RAB5A: variants seen among roughly 807,000 people sequenced by gnomAD.
RAB5A encodes ras-related protein Rab-5A.
RAB5A carries 8 observed loss-of-function variants against 25.7 expected under a neutral mutation model. The observed-to-expected ratio is 0.31, with a 90% CI of 0.18 to 0.56. RAB5A has a LOEUF of 0.56. RAB5A is among the 20% of genes least tolerant of loss of function. RAB5A has a pLI of 0.91. For synonymous variants in RAB5A, 98 were observed against 89.8 expected, an observed-to-expected ratio of 1.09 and a Z score of -0.52; for missense variants, 192 against 259.7, an observed-to-expected ratio of 0.74 and a Z score of 1.79.
At chr3:19,951,701 G>GTTTTT (rs61250458) in intron 2 of RAB5A, among the ~76,000 whole-genome samples, 3 of 99,014 alleles carry the variant, frequency 3.0e-5, no homozygotes, top group Non-Finnish European at 6.0e-5. Flanking sequence ...TGCCAGGCAA[G>GTTTTT]TTTTTTTTTT....
intron 2 of RAB5A, among the ~76,000 whole-genome samples, chr3:19,951,578 T>C (rs1319494663): frequency 1.3e-5 from 2 of 152,068 alleles, no homozygotes; most frequent in African/African-American, 4.8e-5. Context: ...TAGGCTGGAG[T>C]GCAGTGTCCG....
rs1230732517 is a variant in RAB5A at position 19,975,722 on chromosome 3, A to C, written c.285A>C (p.Ala95=). ...LAPMYYRGAQ[A]AIVVYDITNE... is the part of the protein sequence containing the mutation. ...CAATGTACTACAGAGGAGCACAAGC[A>C]GCCATAGTTGTATATGATATCACAA... The change falls in exon 3 of 6, where the codon GCA becomes GCC. Residue 95 remains alanine (A), a synonymous_variant. Transcript: ENST00000273047. 2.5e-6 allele frequency: 4 copies of C among 1,613,674 alleles called. No homozygotes were observed. Among genetic ancestry groups the C allele is most frequent in the South Asian group, 1.1e-5 (1 of 90,992 alleles).
At chr3:19,950,764 T>G in intron 1 of RAB5A, 42 bp from the exon 2 acceptor site, 1 of 853,292 alleles carries the variant, frequency 1.2e-6, no homozygotes, top group South Asian at 2.1e-5. Context: ...GTAAATTTGC[T>G]TTACTGATTT....
intron 2 of RAB5A, among the ~76,000 whole-genome samples, chr3:19,971,857 T>C (rs1307495743): frequency 2.0e-5 from 3 of 152,198 alleles, no homozygotes; most frequent in Admixed American, 6.5e-5. Flanking sequence ...TTGTGAAATA[T>C]CTATTTTTTC....
intron 2 of RAB5A, among the ~76,000 whole-genome samples, chr3:19,969,031 GTTTTT>G (rs1162365486): frequency 4.0e-5 from 4 of 99,696 alleles, no homozygotes; most frequent in African/African-American, 1.5e-4. Flanking sequence ...TTTGGTTTTG[GTTTTT>G]TTTTTTTGGT....
chr3:19,958,311 T>C (rs1696535258), intron 2 of RAB5A, among the ~76,000 whole-genome samples: 1 of 152,232 alleles, frequency 6.6e-6, no homozygotes. Context: ...GAGAGGTTGT[T>C]ACCCAGAGAA....
intron 2 of RAB5A, among the ~76,000 whole-genome samples, chr3:19,956,018 A>G (rs1295919552): frequency 6.6e-6 from 1 of 152,188 alleles, no homozygotes; most frequent in African/African-American, 2.4e-5. Context: ...CACCTGCCAG[A>G]CATCTTTAGG....
intron 2 of RAB5A, among the ~76,000 whole-genome samples, chr3:19,953,447 G>A (rs998424979): frequency 1.3e-4 from 18 of 136,788 alleles, no homozygotes; most frequent in South Asian, 4.5e-4. Flanking sequence ...GGTCTCTGTC[G>A]CCCAGGCTGG....
intron 4 of RAB5A, among the ~76,000 whole-genome samples, chr3:19,976,936 A>G (rs1049497239): frequency 4.6e-5 from 7 of 152,222 alleles, no homozygotes; most frequent in African/African-American, 2.4e-5. Flanking sequence ...ATAATAAGCT[A>G]AAAACTAATA....
chr3:19,977,196 C>T (rs541232620), intron 4 of RAB5A, among the ~76,000 whole-genome samples: 7 of 152,204 alleles, frequency 4.6e-5, no homozygotes, highest in Admixed American at 3.9e-4. Context: ...CCTCAGCCTC[C>T]CAAGTAGCTG....
chr3:19,952,044 G>A (rs868311042), intron 2 of RAB5A, among the ~76,000 whole-genome samples: 1 of 152,226 alleles, frequency 6.6e-6, no homozygotes, highest in Middle Eastern at 3.4e-3. Flanking sequence ...AAGAGAGGAC[G>A]TGAAATGGGA....
rs1178355544 is a variant in RAB5A at position 19,950,844 on chromosome 3, A to G, written c.-55A>G. 4 of 1,543,128 alleles carry G rather than the reference A, an allele frequency of 2.6e-6. No individual in the cohort carries two copies. Among genetic ancestry groups the G allele is most frequent in the Non-Finnish European group, 2.6e-6 (3 of 1,138,674 alleles). ...CAGAAAGAAGAATATTGGCCCCTTG[A>G]ATTCTGGAAGTTCATTGAAGAGTCT... On this transcript the variant is annotated 5_prime_UTR_variant, in exon 2 of 6. Coordinates refer to ENST00000273047, the MANE Select transcript of RAB5A (RefSeq NM_004162.5).
At chr3:19,977,107 A>T (rs1696835760) in intron 4 of RAB5A, among the ~76,000 whole-genome samples, 1 of 149,884 alleles carries the variant, frequency 6.7e-6, no homozygotes, top group Non-Finnish European at 1.5e-5. Context: ...AGTCTTGCTC[A>T]GTTGCCCAGG....
intron 2 of RAB5A, among the ~76,000 whole-genome samples, chr3:19,952,414 A>G (rs1306830612): frequency 6.6e-6 from 1 of 152,354 alleles, no homozygotes; most frequent in African/African-American, 2.4e-5. Context: ...ATTAAAGTCA[A>G]ACTTTGGAAA....
At chr3:19,952,610 C>T (rs1190806092) in intron 2 of RAB5A, among the ~76,000 whole-genome samples, 1 of 152,122 alleles carries the variant, frequency 6.6e-6, no homozygotes, top group African/African-American at 2.4e-5. Context: ...CTTTGTATAT[C>T]TTGTTAAAAT....
intron 2 of RAB5A, 50 bp downstream of exon 2, chr3:19,951,111 A>G (rs754321196): frequency 1.3e-6 from 2 of 1,580,490 alleles, no homozygotes; most frequent in Non-Finnish European, 8.6e-7. Flanking sequence ...ATACATTGAC[A>G]GAAAATATTT....
At chr3:19,958,529 G>A (rs568644537) in intron 2 of RAB5A, among the ~76,000 whole-genome samples, 2 of 152,248 alleles carry the variant, frequency 1.3e-5, no homozygotes, top group Admixed American at 6.5e-5. Context: ...TTTGTAACAC[G>A]AGAGTATTGA....
chr3:19,955,280 A>G (rs1696483569), intron 2 of RAB5A, among the ~76,000 whole-genome samples: 2 of 152,322 alleles, frequency 1.3e-5, no homozygotes, highest in African/African-American at 4.8e-5. Context: ...TAAAGTTTAG[A>G]TGATGGAACT....
rs781415431 is a variant in RAB5A, at chr3:19,983,747, C to T, written c.572C>T (p.Ala191Val). Residue 191 changes from alanine to valine, a missense_variant, in exon 6 of 6, where the codon GCA becomes GTA. Physicochemically the swap from Ala to Val is moderately conservative, Grantham distance 64 (BLOSUM62 0). Coordinates refer to ENST00000273047, the MANE Select transcript of RAB5A (RefSeq NM_004162.5). ...LPKNEPQNPG[A>V]NSARGRGVDL... The stretch of plus-strand genomic sequence containing the variant: ...AAGAATGAACCACAAAATCCAGGAG[C>T]AAATTCTGCCAGAGGAAGAGGAGTA... 2 of 1,612,246 alleles carry T rather than the reference C, an allele frequency of 1.2e-6. No homozygotes were observed. Among genetic ancestry groups the T allele is most frequent in the African/African-American group, 1.3e-5 (1 of 74,792 alleles).
Sources: gnomAD v4.1 joint callset for allele counts (sites outside exome capture counted in the v4.1 genomes callset) on GRCh38, gnomAD v4.1.1 for gene constraint, MANE v1.5 for transcripts, NCBI Gene and HGNC (gene_info 2026-07-23, HGNC 2026-07-21) for gene names.